SLX4IP: variants seen among roughly 807,000 people sequenced by gnomAD.
SLX4IP encodes the protein SLX4 interacting protein.
SLX4IP carries 34 observed loss-of-function variants against 32.9 expected under a neutral mutation model. The ratio of observed to expected loss-of-function variants is 1.03; its 90% CI spans 0.79 to 1.38. The LOEUF (loss-of-function observed/expected upper bound fraction) is 1.38. Ranked by LOEUF, SLX4IP falls within the 40% of genes most tolerant of loss-of-function variation. The pLI is 0.00. For synonymous variants in SLX4IP, 172 were observed against 171.7 expected, an observed-to-expected ratio of 1.00 and a Z score of -0.01; for missense variants, 444 against 479.0, an observed-to-expected ratio of 0.93 and a Z score of 0.68.
At chr20:10,560,413 C>A (rs2066319509) in intron 3 of SLX4IP, among the ~76,000 whole-genome samples, 1 of 152,172 alleles carries the variant, frequency 6.6e-6, no homozygotes, top group Admixed American at 6.5e-5. Flanking sequence ...CTGATGTTTA[C>A]ACTGAAATAT....
intron 7 of SLX4IP, among the ~76,000 whole-genome samples, chr20:10,622,197 T>C (rs1051226842): frequency 1.4e-4 from 21 of 152,198 alleles, no homozygotes; most frequent in Non-Finnish European, 2.8e-4. Context: ...AGCTAAATGG[T>C]GGTTATATTT....
chr20:10,617,640 TTTTC>T (rs1163421770), intron 6 of SLX4IP, among the ~76,000 whole-genome samples: 10 of 146,804 alleles, frequency 6.8e-5, no homozygotes, highest in African/African-American at 2.1e-4. Flanking sequence ...TTTCCTTCTT[TTTTC>T]TTTCTTTCTT....
At chr20:10,507,625 A>G (rs750067236) in intron 2 of SLX4IP, among the ~76,000 whole-genome samples, 20 of 152,126 alleles carry the variant, frequency 1.3e-4, no homozygotes, top group Non-Finnish European at 2.6e-4. Context: ...TGCAACAAAT[A>G]CTAGGCCCAG....
chr20:10,512,611 T>A (rs2065816495), intron 2 of SLX4IP, among the ~76,000 whole-genome samples: 1 of 144,472 alleles, frequency 6.9e-6, no homozygotes, highest in African/African-American at 2.5e-5. Flanking sequence ...ATATATAAAA[T>A]ATATATAGTA....
At chr20:10,583,940 G>A (rs111532832) in intron 4 of SLX4IP, among the ~76,000 whole-genome samples, 81 of 152,270 alleles carry the variant, frequency 5.3e-4, no homozygotes, top group Admixed American at 2.9e-3. Context: ...AAACCTGGGT[G>A]TTAGCATACA....
At chr20:10,483,671 C>G (rs1005890700) in intron 2 of SLX4IP, among the ~76,000 whole-genome samples, 1 of 151,880 alleles carries the variant, frequency 6.6e-6, no homozygotes, top group Non-Finnish European at 1.5e-5. Flanking sequence ...AAAAGGAAAC[C>G]ATTTTAAGAT....
intron 2 of SLX4IP, among the ~76,000 whole-genome samples, chr20:10,496,517 G>A (rs1361403814): frequency 6.6e-6 from 1 of 152,154 alleles, no homozygotes. Context: ...CCTACCATCA[G>A]GGACCCAGGT....
chr20:10,499,645 G>A (rs762595125), intron 2 of SLX4IP, among the ~76,000 whole-genome samples: 12 of 152,124 alleles, frequency 7.9e-5, no homozygotes, highest in Non-Finnish European at 1.5e-4. Context: ...TTTGATGTCC[G>A]TGAAAATGCT....
intron 1 of SLX4IP, among the ~76,000 whole-genome samples, chr20:10,456,735 A>G (rs1434223677): frequency 5.3e-5 from 8 of 152,190 alleles, no homozygotes; most frequent in Non-Finnish European, 8.8e-5. Flanking sequence ...GCATTTTCAT[A>G]TACGTTTTAG....
intron 2 of SLX4IP, among the ~76,000 whole-genome samples, chr20:10,540,282 C>A (rs562981914): frequency 6.6e-6 from 1 of 151,762 alleles, no homozygotes; most frequent in Non-Finnish European, 1.5e-5. Flanking sequence ...AACAAGCCGT[C>A]CTGGTGAATC....
intron 2 of SLX4IP, among the ~76,000 whole-genome samples, chr20:10,520,892 A>G (rs973286036): frequency 2.6e-5 from 4 of 152,190 alleles, no homozygotes; most frequent in Non-Finnish European, 4.4e-5. Context: ...CCCACTCCCC[A>G]GAAGTGAGCA....
At chr20:10,564,727 C>T (rs1458983756) in intron 4 of SLX4IP, among the ~76,000 whole-genome samples, 1 of 152,182 alleles carries the variant, frequency 6.6e-6, no homozygotes, top group Non-Finnish European at 1.5e-5. Context: ...ATAGTACAGA[C>T]ATTGCCAATA....
chr20:10,464,912 C>T (rs2065367317), intron 2 of SLX4IP, among the ~76,000 whole-genome samples: 5 of 152,110 alleles, frequency 3.3e-5, no homozygotes, highest in Admixed American at 2.6e-4. Flanking sequence ...GACTTGGCCT[C>T]CTACGTAGCT....
intron 2 of SLX4IP, among the ~76,000 whole-genome samples, chr20:10,488,814 G>A (rs1568705911): frequency 6.6e-6 from 1 of 152,018 alleles, no homozygotes; most frequent in Non-Finnish European, 1.5e-5. Flanking sequence ...AGTCATTGGT[G>A]ATAGACACTT....
At chr20:10,535,317 G>A (rs1160315802) in intron 2 of SLX4IP, among the ~76,000 whole-genome samples, 1 of 152,060 alleles carries the variant, frequency 6.6e-6, no homozygotes, top group Non-Finnish European at 1.5e-5. Context: ...TGGAAAGAAC[G>A]TGCAGGTTTT....
chr20:10,598,110 G>A (rs1010841310), intron 4 of SLX4IP, among the ~76,000 whole-genome samples: 1 of 152,092 alleles, frequency 6.6e-6, no homozygotes, highest in Non-Finnish European at 1.5e-5. Flanking sequence ...AAGTACGTTA[G>A]ACCTCATTTA....
intron 2 of SLX4IP, among the ~76,000 whole-genome samples, chr20:10,501,926 G>A (rs931102607): frequency 2.6e-5 from 4 of 152,106 alleles, no homozygotes; most frequent in African/African-American, 7.2e-5. Context: ...AATGTAATGG[G>A]CACATTGCTT....
chr20:10,624,335 G>A lies in SLX4IP; in HGVS notation c.*956G>A, dbSNP rs2067149965. 4 of 152,192 alleles carry A rather than the reference G, an allele frequency of 2.6e-5. No individual in the cohort carries two copies. The South Asian group carries it at 8.3e-4, about 31-fold the overall frequency. 9.4% of individuals were successfully genotyped at this position (152,192 alleles called of 1,614,324 possible). Reference sequence around the variant, plus strand: ...AACCTAACAGGAACTCAGTGACCAGGTTCCAGTTTCCCAGTTGGAAGGCTT... The same window carrying A: ...AACCTAACAGGAACTCAGTGACCAGATTCCAGTTTCCCAGTTGGAAGGCTT... On this transcript the variant is annotated 3_prime_UTR_variant, in exon 8 of 8. Coordinates refer to ENST00000334534, the MANE Select transcript of SLX4IP (RefSeq NM_001009608.3).
At chr20:10,532,629 A>G (rs1263539434) in intron 2 of SLX4IP, among the ~76,000 whole-genome samples, 3 of 152,124 alleles carry the variant, frequency 2.0e-5, no homozygotes, top group Admixed American at 1.3e-4. Context: ...AGTGAAAATA[A>G]CCAGTGTCTT....
Sources: allele counts gnomAD v4.1 joint callset (sites outside exome capture counted in the v4.1 genomes callset), GRCh38; gene constraint gnomAD v4.1.1; transcripts MANE v1.5; gene names NCBI Gene and HGNC (gene_info 2026-07-23, HGNC 2026-07-21).